Variants in ANKS3 observed in about 807,000 individuals in gnomAD.
ANKS3 encodes the protein ankyrin repeat and SAM domain-containing protein 3.
In ANKS3, 62 loss-of-function variants were observed where a neutral mutation model predicts 80.7. That is an observed-to-expected ratio of 0.77 (90% CI 0.63 to 0.95). The LOEUF (loss-of-function observed/expected upper bound fraction) is 0.95, where lower values mean the gene tolerates loss of function less well. Ranked by LOEUF, ANKS3 falls within the 40% of genes least tolerant of loss-of-function variation. ANKS3 has a pLI of 0.00. For synonymous variants in ANKS3, 489 were observed against 355.3 expected (o/e 1.38, Z -4.23); for missense variants, 1,150 against 883.6 (o/e 1.30, Z -3.82).
At chr16:4,698,178 A>G (rs2079684037) in intron 14 of ANKS3, 116 bp from the exon 15 acceptor site, 6 of 1,285,430 alleles carry the variant, frequency 4.7e-6, no homozygotes, top group Non-Finnish European at 6.5e-6. Flanking sequence ...GCTGGCCCTC[A>G]TGGGCTGGGC....
chr16:4,718,362 C>T (rs2080911973), intron 6 of ANKS3, among the ~76,000 whole-genome samples: 1 of 152,188 alleles, frequency 6.6e-6, no homozygotes, highest in Admixed American at 6.5e-5. Context: ...TGGAACAAGA[C>T]TATCCGGAAG....
chr16:4,714,984 C>G (rs1192153559), intron 6 of ANKS3, among the ~76,000 whole-genome samples: 2 of 82,362 alleles, frequency 2.4e-5, no homozygotes, highest in Non-Finnish European at 4.0e-5. Flanking sequence ...GAGTGAGACT[C>G]TGTCTCAAAA....
intron 4 of ANKS3, 61 bp from the exon 5 acceptor site, chr16:4,726,841 T>G: frequency 6.3e-7 from 1 of 1,598,936 alleles, no homozygotes; most frequent in Non-Finnish European, 8.5e-7. Context: ...GCGGGCGCCC[T>G]CCAGGCGGCC....
At chr16:4,706,474 A>G (rs2080202463) in intron 7 of ANKS3, among the ~76,000 whole-genome samples, 1 of 152,074 alleles carries the variant, frequency 6.6e-6, no homozygotes, top group Non-Finnish European at 1.5e-5. Flanking sequence ...TGACCTTGTG[A>G]TCCGCCCACC....
intron 5 of ANKS3, among the ~76,000 whole-genome samples, chr16:4,726,358 T>G (rs1202425594): frequency 6.6e-6 from 1 of 152,186 alleles, no homozygotes; most frequent in African/African-American, 2.4e-5. Flanking sequence ...ATGTATGACA[T>G]TTAAATGCCA....
intron 8 of ANKS3, 21 bp from the exon 9 acceptor site, chr16:4,702,263 A>AT: frequency 6.7e-7 from 1 of 1,495,650 alleles, no homozygotes; most frequent in South Asian, 1.3e-5. Context: ...AATGGGGCCC[A>AT]TAAGCCCAGG....
At chr16:4,714,487 T>C (rs2080672101) in intron 6 of ANKS3, among the ~76,000 whole-genome samples, 1 of 152,234 alleles carries the variant, frequency 6.6e-6, no homozygotes, top group Non-Finnish European at 1.5e-5. Flanking sequence ...GCCTTCACCT[T>C]CTGCGCCTGG....
At position 4,702,199 on chromosome 16, in the gene ANKS3, G is replaced by A. The variant is rs754361104; in HGVS notation, c.912C>T (p.Gly304=). ...GGCCCTCTTCTTCCAGGGGGTTCTCGCCACTGCTGTTGAAGGTGACATAGC... is the reference window on the plus strand; with the variant it reads ...GGCCCTCTTCTTCCAGGGGGTTCTCACCACTGCTGTTGAAGGTGACATAGC... The part of the protein sequence containing the change: ...PRGYVTFNSS[G]ENPLEEEGLC... Residue 304 remains glycine (G), a synonymous_variant, in exon 9 of 18, where the codon GGC becomes GGT. Transcript: ENST00000304283. The A allele has an allele frequency of 3.9e-5, 62 of 1,590,762 alleles. No homozygotes were observed. The highest frequency in any genetic ancestry group is 5.3e-5 in the Admixed American group (3 of 56,558).
Position 4,700,962 on chromosome 16 carries a change from G to A in ANKS3, c.1284+8C>T, listed in dbSNP as rs773376148. 6.8e-5 allele frequency: 110 copies of A among 1,613,866 alleles called. 4 individuals carry two copies. The South Asian group carries it at 7.9e-4, about 12-fold the overall frequency. On this transcript the variant is annotated splice_region_variant and intron_variant, in intron 11 of 17. Coordinates refer to ENST00000304283, the MANE Select transcript of ANKS3 (RefSeq NM_133450.4). ...GAGTGTAACCTCCAGTTTCACAAGC[G>A]GTCTTACCTGGGGTCCTGAGTAGGG...
chr16:4,711,705 T>G, intron 7 of ANKS3, among the ~76,000 whole-genome samples: 1 of 125,162 alleles, frequency 8.0e-6, no homozygotes, highest in African/African-American at 3.0e-5. Flanking sequence ...GGAACAAGAG[T>G]GAAACTCTGT....
At position 4,731,549 on chromosome 16, in the gene ANKS3, G is replaced by A. The variant is rs1001738538; in HGVS notation, c.-40C>T. The A allele has an allele frequency of 2.4e-6, 2 of 835,392 alleles. No homozygotes were observed. Among genetic ancestry groups the A allele is most frequent in the African/African-American group, 1.8e-5 (1 of 54,272 alleles). 51.7% of individuals were successfully genotyped at this position (835,392 alleles called of 1,614,324 possible). A position where few individuals can be genotyped will look rare whatever the true frequency, so the allele number is the denominator to read the frequency against. On this transcript the variant is annotated 5_prime_UTR_variant, in exon 2 of 18. An upstream open reading frame in the 5' UTR gains an earlier in-frame stop. Transcript: ENST00000304283. ...GCCCGCCTCAGCCTCTCAAAGTCCT[G>A]GAAATATAGGCGTGAGCCACTGCAC...
rs772503726 is a variant in ANKS3 at position 4,698,881 on chromosome 16, G to A, written c.1470C>T (p.Arg490=). Reference sequence around the variant, plus strand: ...CCAGCTCCAGGGCATCCCCGGGTGGGCGGGCACTGCTGTGCCAGCGGGCAA... The same window carrying A: ...CCAGCTCCAGGGCATCCCCGGGTGGACGGGCACTGCTGTGCCAGCGGGCAA... ...SAIARWHSSA[R]PPGDALELAY... is the part of the protein sequence containing the mutation. Residue 490 remains arginine, a synonymous_variant, in exon 13 of 18, where the codon CGC becomes CGT. Transcript: ENST00000304283. 1.2e-6 allele frequency: 2 copies of A among 1,600,974 alleles called. No individual in the cohort carries two copies. Among genetic ancestry groups the A allele is most frequent in the Non-Finnish European group, 1.7e-6 (2 of 1,173,082 alleles).
At chr16:4,697,857 A>G (rs2079658357) in intron 15 of ANKS3, 120 bp downstream of exon 15, 2 of 962,128 alleles carry the variant, frequency 2.1e-6, no homozygotes, top group African/African-American at 1.7e-5. Context: ...ATGTGCACAC[A>G]GGGACCTGGG....
chr16:4,718,997 GA>G (rs2080948281), intron 6 of ANKS3, among the ~76,000 whole-genome samples: 1 of 152,192 alleles, frequency 6.6e-6, no homozygotes, highest in African/African-American at 2.4e-5. Flanking sequence ...AGACTGATAA[GA>G]AAATGAGGTG....
rs963529010 is a variant in ANKS3 at position 4,727,188 on chromosome 16, G to A, written c.171-11C>T. 5.0e-6 allele frequency: 8 copies of A among 1,613,224 alleles called. No individual in the cohort carries two copies. The highest frequency in any genetic ancestry group is 2.2e-5 in the South Asian group (2 of 91,076). ...AAATCTAACTCTCTCCTAAACAAACGCAAGATATGCTAGACATGGCCAGCC... is the reference window on the plus strand; with the variant it reads ...AAATCTAACTCTCTCCTAAACAAACACAAGATATGCTAGACATGGCCAGCC... On this transcript the variant is annotated splice_polypyrimidine_tract_variant and intron_variant, in intron 3 of 17. Coordinates refer to ENST00000304283, the MANE Select transcript of ANKS3 (RefSeq NM_133450.4).
rs754196652 is a variant in ANKS3, at chr16:4,699,188, A to G, written c.1285-12T>C. ...AGTGCGGCAAGGTCCTGGCAGGCAC[A>G]GGGGACAGGTTGGGGGAGGTAGTGG... On this transcript the variant is annotated splice_polypyrimidine_tract_variant and intron_variant, in intron 11 of 17. Transcript: ENST00000304283. The G allele has an allele frequency of 2.5e-6, 4 of 1,613,642 alleles. No homozygotes were observed. The highest frequency in any genetic ancestry group is 4.5e-5 in the East Asian group (2 of 44,868).
At chr16:4,698,357 T>C (rs958402938) in intron 14 of ANKS3, 70 bp downstream of exon 14, 7 of 1,429,648 alleles carry the variant, frequency 4.9e-6, no homozygotes, top group Admixed American at 2.9e-5. Context: ...GAGGAAAGGA[T>C]GTGTGGGGGC....
intron 9 of ANKS3, 169 bp from the exon 10 acceptor site, chr16:4,701,712 G>T: frequency 1.8e-6 from 1 of 564,230 alleles, no homozygotes; most frequent in Non-Finnish European, 3.1e-6. Flanking sequence ...CTATACAGAC[G>T]GGCAGGGCTT....
chr16:4,697,521 C>G (rs1014563773), intron 15 of ANKS3, 105 bp from the exon 16 acceptor site: 78 of 933,064 alleles, frequency 8.4e-5, no homozygotes, highest in Non-Finnish European at 1.2e-4. Context: ...GGATCAGAAC[C>G]TCCCTACCCG....
Sources: allele counts gnomAD v4.1 joint callset (sites outside exome capture counted in the v4.1 genomes callset), GRCh38; gene constraint gnomAD v4.1.1; transcripts MANE v1.5; gene names NCBI Gene and HGNC (gene_info 2026-07-23, HGNC 2026-07-21).